RASGRF1: variants seen among roughly 807,000 people sequenced by gnomAD.
The protein encoded by RASGRF1 is ras-specific guanine nucleotide-releasing factor 1.
RASGRF1 carries 40 observed loss-of-function variants against 138.7 expected under a neutral mutation model. The observed-to-expected ratio is 0.29, with a 90% CI of 0.22 to 0.38. The LOEUF is 0.38. RASGRF1 is among the 10% of genes least tolerant of loss of function. RASGRF1 has a pLI of 1.00. For synonymous variants in RASGRF1, 614 were observed against 663.2 expected, an observed-to-expected ratio of 0.93 and a Z score of 1.14; for missense variants, 1,108 against 1,650.4, an observed-to-expected ratio of 0.67 and a Z score of 5.69.
At chr15:79,029,978 C>T (rs1379965831) in intron 8 of RASGRF1, among the ~76,000 whole-genome samples, 5 of 152,210 alleles carry the variant, frequency 3.3e-5, no homozygotes, top group Non-Finnish European at 7.3e-5. Context: ...CCCAAACCTT[C>T]TCCCTTGGGG....
intron 1 of RASGRF1, among the ~76,000 whole-genome samples, chr15:79,069,406 C>G (rs902334370): frequency 2.6e-5 from 4 of 152,228 alleles, no homozygotes; most frequent in African/African-American, 2.4e-5. Flanking sequence ...GATGGCAAGA[C>G]CCCGTTTGCT....
Position 79,050,368 on chromosome 15 carries a change from T to C in RASGRF1, c.532-780A>G, listed in dbSNP as rs2057414360. Among the ~76,000 whole-genome samples the C allele has an allele frequency of 6.6e-6, 1 of 152,246 alleles. No homozygotes were observed. The highest frequency in any genetic ancestry group is 2.4e-5 in the African/African-American group (1 of 41,462). On this transcript the variant is annotated intron_variant, in intron 3 of 26. Coordinates refer to ENST00000558480, the MANE Select transcript of RASGRF1 (RefSeq NM_001145648.3). This position sits in a 1 kb window ranked among gnomAD's most constrained non-coding sequence, Gnocchi z 4.1. ...GCCAAGCAATATTCCCTTGTGTGTG[T>C]AGACCACATTTTATTTATCCATTCC...
At chr15:79,066,661 A>T (rs1442551890) in intron 1 of RASGRF1, among the ~76,000 whole-genome samples, 1 of 152,222 alleles carries the variant, frequency 6.6e-6, no homozygotes, top group Non-Finnish European at 1.5e-5. Context: ...AATCAGCCCT[A>T]CTGGGTAGGG....
intron 1 of RASGRF1, among the ~76,000 whole-genome samples, chr15:79,074,384 T>A (rs1406359703): frequency 1.3e-5 from 2 of 152,090 alleles, no homozygotes; most frequent in Non-Finnish European, 2.9e-5. Context: ...GATGTGAGGG[T>A]CAATGATGGG....
intron 1 of RASGRF1, among the ~76,000 whole-genome samples, chr15:79,076,587 G>A (rs1276419806): frequency 6.6e-6 from 1 of 152,210 alleles, no homozygotes; most frequent in Non-Finnish European, 1.5e-5. Flanking sequence ...TGAGCTCTAA[G>A]TGCAAGTAAG....
intron 3 of RASGRF1, among the ~76,000 whole-genome samples, chr15:79,055,710 G>A (rs189126675): frequency 2.4e-4 from 36 of 152,126 alleles, no homozygotes; most frequent in Admixed American, 7.2e-4. Context: ...TTAAGGCCAC[G>A]TGCAACATAA....
intron 1 of RASGRF1, among the ~76,000 whole-genome samples, chr15:79,065,715 T>C (rs1294325158): frequency 2.0e-5 from 3 of 151,944 alleles, no homozygotes; most frequent in Non-Finnish European, 4.4e-5. Context: ...AGGTCTGCTG[T>C]TCAGAGGATG....
chr15:79,058,287 G>A (rs1174151749), intron 3 of RASGRF1, 47 bp downstream of exon 3: 1 of 1,588,302 alleles, frequency 6.3e-7, no homozygotes, highest in Non-Finnish European at 8.6e-7. Flanking sequence ...CCCAGGGTTT[G>A]AGATGTTGTG....
intron 13 of RASGRF1, among the ~76,000 whole-genome samples, chr15:79,009,532 A>G (rs943237210): frequency 3.3e-5 from 5 of 152,022 alleles, no homozygotes; most frequent in Non-Finnish European, 7.4e-5. Flanking sequence ...TGGCATCCAA[A>G]TAGGGATCAT....
At chr15:78,978,473 C>A in intron 24 of RASGRF1, 1 of 944,894 alleles carries the variant, frequency 1.1e-6, no homozygotes, top group African/African-American at 1.8e-5. Flanking sequence ...GATCTGCCCA[C>A]CTCGGCCTCC....
intron 1 of RASGRF1, among the ~76,000 whole-genome samples, chr15:79,084,475 C>A (rs2057953302): frequency 6.6e-6 from 1 of 152,244 alleles, no homozygotes; most frequent in Non-Finnish European, 1.5e-5. Flanking sequence ...TCTCAGCCAG[C>A]CTGCACGTCC....
Position 78,961,728 on chromosome 15 carries a change from C to T in RASGRF1, c.*416G>A, listed in dbSNP as rs1402766374. The T allele has an allele frequency of 6.7e-6, 1 of 149,166 alleles. No individual in the cohort carries two copies. Among genetic ancestry groups the T allele is most frequent in the East Asian group, 2.0e-4 (1 of 5,066 alleles). 9.2% of individuals were successfully genotyped at this position (149,166 alleles called of 1,614,324 possible). ...GGTTTCCCCCTCCCGCCGCCCCCCACCCCCCACCCAGTTATAACAACTACA... is the reference window on the plus strand; with the variant it reads ...GGTTTCCCCCTCCCGCCGCCCCCCATCCCCCACCCAGTTATAACAACTACA... On this transcript the variant is annotated 3_prime_UTR_variant, in exon 27 of 27. Transcript: ENST00000558480.
At chr15:78,995,664 C>T (rs941521311) in intron 20 of RASGRF1, 76 bp downstream of exon 20, 2 of 1,520,080 alleles carry the variant, frequency 1.3e-6, no homozygotes, top group African/African-American at 2.7e-5. Context: ...CGGGTGATGC[C>T]TGTGATGGGT....
chr15:79,001,658 G>A lies in RASGRF1; in HGVS notation c.2575+4C>T. 1 of 1,613,212 alleles carries A rather than the reference G, an allele frequency of 6.2e-7. No individual in the cohort carries two copies. The highest frequency in any genetic ancestry group is 8.5e-7 in the Non-Finnish European group (1 of 1,179,372). ...ATTTGTGGTTTTGAATTGGTGCATT[G>A]TACCTGAAGAATTTTTGTTTTTGAC... On this transcript the variant is annotated splice_donor_region_variant and intron_variant, in intron 16 of 26. Coordinates refer to ENST00000558480, the MANE Select transcript of RASGRF1 (RefSeq NM_001145648.3).
chr15:78,978,829 C>G, intron 24 of RASGRF1: 1 of 1,175,606 alleles, frequency 8.5e-7, no homozygotes, highest in Non-Finnish European at 1.1e-6. Flanking sequence ...CTCTGCAAGT[C>G]CAGAACCTGG....
At chr15:79,033,581 C>CCT (rs1341148874) in intron 6 of RASGRF1, among the ~76,000 whole-genome samples, 1 of 93,978 alleles carries the variant, frequency 1.1e-5, no homozygotes, top group Non-Finnish European at 1.9e-5. Context: ...TTTTTCTTTT[C>CCT]TTTTTTTTTT....
At position 79,090,288 on chromosome 15, in the gene RASGRF1, A is replaced by T; in HGVS notation, c.211T>A (p.Cys71Ser). The change falls in exon 1 of 27, where the codon TGC becomes AGC. Residue 71 changes from cysteine (C) to serine (S), a missense_variant. Physicochemically the swap from Cys to Ser is moderately radical, Grantham distance 112 (BLOSUM62 -1). Around this residue, in one of 3 missense-constraint regions of RASGRF1, gnomAD observed 253 missense variants for 329.5 expected, o/e 0.77. Coordinates refer to ENST00000558480, the MANE Select transcript of RASGRF1 (RefSeq NM_001145648.3). Reference sequence around the variant, plus strand: ...GGGGAGGGCGCGCGGTCGCAGACGCAGCCCTCCAGCAGGTAAAGCCCCGAG... The same window carrying T: ...GGGGAGGGCGCGCGGTCGCAGACGCTGCCCTCCAGCAGGTAAAGCCCCGAG... Reference protein sequence around the residue: ...RPSGLYLLEGCVCDRAPSPKP... With the variant: ...RPSGLYLLEGSVCDRAPSPKP... The T allele has an allele frequency of 6.2e-7, 1 of 1,612,920 alleles. No individual in the cohort carries two copies. The highest frequency in any genetic ancestry group is 8.5e-7 in the Non-Finnish European group (1 of 1,179,810).
At position 79,032,150 on chromosome 15, in the gene RASGRF1, C is replaced by T. The variant is rs1310497231; in HGVS notation, c.1125G>A (p.Glu375=). 1.2e-6 allele frequency: 2 copies of T among 1,613,904 alleles called. No individual in the cohort carries two copies. The highest frequency in any genetic ancestry group is 1.7e-6 in the Non-Finnish European group (2 of 1,179,940). ...AKPDCEERTL[E]TFLTYPMFQI... is the part of the protein sequence containing the mutation. ...GGAACATGGGGTAGGTGAGGAAGGT[C>T]TCCAGCGTCCTCTCCTCGCAGTCAG... is the stretch of plus-strand genomic sequence containing the variant. Residue 375 remains glutamate (E), a synonymous_variant, in exon 7 of 27, where the codon GAG becomes GAA. Coordinates refer to ENST00000558480, the MANE Select transcript of RASGRF1 (RefSeq NM_001145648.3). The surrounding 1 kb of genome is among the most constrained non-coding windows in gnomAD (Gnocchi z 4.5).
intron 16 of RASGRF1, 146 bp downstream of exon 16, chr15:79,001,516 G>T: frequency 9.4e-7 from 1 of 1,060,232 alleles, no homozygotes; most frequent in Non-Finnish European, 1.3e-6. Flanking sequence ...GGTGGTGGGT[G>T]GGTTATGAAA....
Sources: gnomAD v4.1 joint callset for allele counts (sites outside exome capture counted in the v4.1 genomes callset) on GRCh38, gnomAD v4.1.1 for gene constraint, gnomAD v4.1.1 regional missense constraint, Gnocchi (gnomAD v3.1) non-coding constraint, MANE v1.5 for transcripts, NCBI Gene and HGNC (gene_info 2026-07-23, HGNC 2026-07-21) for gene names.